Variants in RANBP17 observed in about 807,000 individuals in gnomAD.
The protein encoded by RANBP17 is ran-binding protein 17.
A neutral mutation model predicts 141.2 loss-of-function variants in RANBP17; 158 were observed. The observed-to-expected ratio is 1.12, with a 90% CI of 0.98 to 1.28. The LOEUF (loss-of-function observed/expected upper bound fraction) is 1.28, where lower values mean the gene tolerates loss of function less well. Among genes scored for constraint, RANBP17 ranks in the 50% most tolerant of loss-of-function variants. RANBP17 has a pLI of 0.00. For synonymous variants in RANBP17, 430 were observed against 450.0 expected (o/e 0.96, Z 0.56); for missense variants, 1,438 against 1,290.7 (o/e 1.11, Z -1.75).
intron 11 of RANBP17, among the ~76,000 whole-genome samples, chr5:170,920,112 A>G (rs1021379965): frequency 6.6e-6 from 1 of 152,102 alleles, no homozygotes; most frequent in East Asian, 1.9e-4. Context: ...AATAAAACTG[A>G]TGCAAATACT....
At chr5:170,886,800 A>G (rs1305237692) in intron 3 of RANBP17, among the ~76,000 whole-genome samples, 1 of 151,586 alleles carries the variant, frequency 6.6e-6, no homozygotes, top group Non-Finnish European at 1.5e-5. Context: ...AGTTGGGACT[A>G]CAGATGTGAC....
intron 25 of RANBP17, among the ~76,000 whole-genome samples, chr5:171,274,989 C>G (rs1173086972): frequency 6.6e-6 from 1 of 152,136 alleles, no homozygotes; most frequent in Non-Finnish European, 1.5e-5. Context: ...CCAACCCCCA[C>G]TAGGACATGT....
At chr5:171,028,217 T>A (rs923789234) in intron 14 of RANBP17, among the ~76,000 whole-genome samples, 20 of 152,208 alleles carry the variant, frequency 1.3e-4, no homozygotes, top group African/African-American at 4.8e-4. Flanking sequence ...TACTATTTAA[T>A]GTTGTTCATA....
chr5:171,200,943 C>T (rs1351493886), intron 19 of RANBP17, among the ~76,000 whole-genome samples: 1 of 152,232 alleles, frequency 6.6e-6, no homozygotes, highest in Non-Finnish European at 1.5e-5. Context: ...AGTTTCCACT[C>T]AGGTTAGCTG....
At chr5:170,943,607 T>C (rs1436733556) in intron 12 of RANBP17, among the ~76,000 whole-genome samples, 1 of 152,036 alleles carries the variant, frequency 6.6e-6, no homozygotes, top group Non-Finnish European at 1.5e-5. Flanking sequence ...AAAATTATAA[T>C]GGAAATTTAG....
At chr5:171,148,609 T>G (rs906980282) in intron 14 of RANBP17, among the ~76,000 whole-genome samples, 2 of 150,272 alleles carry the variant, frequency 1.3e-5, no homozygotes, top group African/African-American at 5.0e-5. Flanking sequence ...GATATATATA[T>G]ATATATAGAG....
chr5:171,297,589 C>T (rs192795091), intron 27 of RANBP17, among the ~76,000 whole-genome samples: 14 of 151,576 alleles, frequency 9.2e-5, no homozygotes, highest in Admixed American at 5.9e-4. Context: ...TCCTCTATCA[C>T]GCAGAAAGGG....
intron 14 of RANBP17, among the ~76,000 whole-genome samples, chr5:171,067,314 ATTGCCACAAATTAC>A (rs1784368558): frequency 6.6e-6 from 1 of 152,048 alleles, no homozygotes; most frequent in Non-Finnish European, 1.5e-5. Context: ...CATTATTATT[ATTGCCACAAATTAC>A]ATCTGTATAC....
At chr5:171,108,373 T>G (rs1456779606) in intron 14 of RANBP17, among the ~76,000 whole-genome samples, 1 of 152,138 alleles carries the variant, frequency 6.6e-6, no homozygotes, top group African/African-American at 2.4e-5. Flanking sequence ...ACTTTAAAAA[T>G]AAGTCTAAAA....
intron 14 of RANBP17, among the ~76,000 whole-genome samples, chr5:171,068,366 A>G (rs1348809593): frequency 6.6e-6 from 1 of 152,062 alleles, no homozygotes; most frequent in Non-Finnish European, 1.5e-5. Context: ...ACATATTTAA[A>G]GTCTTTGTCT....
intron 14 of RANBP17, among the ~76,000 whole-genome samples, chr5:171,059,401 C>T (rs1018492893): frequency 6.6e-6 from 1 of 152,204 alleles, no homozygotes; most frequent in East Asian, 1.9e-4. Context: ...GTTTTCCCAG[C>T]ACCATTTATT....
chr5:170,889,947 G>A (rs1050805573), intron 3 of RANBP17, among the ~76,000 whole-genome samples: 1 of 152,112 alleles, frequency 6.6e-6, no homozygotes, highest in Non-Finnish European at 1.5e-5. Context: ...AGAATATTTT[G>A]TGTAAAACAT....
chr5:171,026,311 G>A (rs1400967764), intron 14 of RANBP17, among the ~76,000 whole-genome samples: 1 of 152,146 alleles, frequency 6.6e-6, no homozygotes, highest in African/African-American at 2.4e-5. Flanking sequence ...GGGGAAACAG[G>A]CTCAGAGAAG....
intron 14 of RANBP17, among the ~76,000 whole-genome samples, chr5:171,115,824 T>G (rs765011901): frequency 1.3e-5 from 2 of 152,144 alleles, no homozygotes; most frequent in Non-Finnish European, 2.9e-5. Flanking sequence ...CTAGCAAAAT[T>G]TTTACTACTA....
intron 14 of RANBP17, among the ~76,000 whole-genome samples, chr5:171,034,374 A>C (rs1436976599): frequency 2.0e-5 from 3 of 152,200 alleles, no homozygotes; most frequent in Non-Finnish European, 4.4e-5. Context: ...TTTTATTTAT[A>C]ACACATACTG....
intron 13 of RANBP17, among the ~76,000 whole-genome samples, chr5:170,962,700 A>G (rs2127517879): frequency 6.6e-6 from 1 of 152,320 alleles, no homozygotes; most frequent in South Asian, 2.1e-4. Context: ...CTATTAGGAA[A>G]AAAACCTCAA....
At chr5:170,871,876 A>G (rs1286984456) in intron 1 of RANBP17, among the ~76,000 whole-genome samples, 1 of 152,094 alleles carries the variant, frequency 6.6e-6, no homozygotes, top group Non-Finnish European at 1.5e-5. Context: ...CTATTGGTCT[A>G]TGTGTTTGTT....
intron 20 of RANBP17, chr5:171,207,654 G>A (rs1169043274): frequency 6.6e-6 from 1 of 152,118 alleles, no homozygotes; most frequent in Non-Finnish European, 1.5e-5. Context: ...GTTTGGTACT[G>A]GCGTTGCTTA....
chr5:170,918,920 G>T, intron 10 of RANBP17, 61 bp downstream of exon 10: 1 of 1,000,454 alleles, frequency 1.0e-6, no homozygotes, highest in South Asian at 2.4e-5. Flanking sequence ...TTCTTGGTAA[G>T]GGTTGGTGGG....
Sources: gnomAD v4.1 joint callset for allele counts (sites outside exome capture counted in the v4.1 genomes callset) on GRCh38, gnomAD v4.1.1 for gene constraint, MANE v1.5 for transcripts, NCBI Gene and HGNC (gene_info 2026-07-23, HGNC 2026-07-21) for gene names.